Variants in RBFOX2 observed in about 807,000 individuals in gnomAD.
The protein encoded by RBFOX2 is RNA binding protein fox-1 homolog 2.
A neutral mutation model predicts 49.1 loss-of-function variants in RBFOX2; 10 were observed. The ratio of observed to expected loss-of-function variants is 0.20; its 90% CI spans 0.13 to 0.35. The LOEUF is 0.35. Ranked by LOEUF, RBFOX2 falls within the 10% of genes least tolerant of loss-of-function variation. The probability of loss-of-function intolerance (pLI) is 1.00; values close to 1 mark genes in which losing one functional copy is unlikely to be tolerated. For synonymous variants in RBFOX2, 183 were observed against 187.4 expected, an observed-to-expected ratio of 0.98 and a Z score of 0.19; for missense variants, 323 against 486.9, an observed-to-expected ratio of 0.66 and a Z score of 3.17.
At chr22:35,746,129 T>C (rs1932659729) in intron 10 of RBFOX2, 134 bp from the exon 13 acceptor site, 2 of 810,026 alleles carry the variant, frequency 2.5e-6, no homozygotes, top group Non-Finnish European at 4.0e-6. Flanking sequence ...TTACAAGGAA[T>C]AGGAAAAAAC....
At chr22:35,826,785 AC>A (rs1466175425) in intron 1 of RBFOX2, among the ~76,000 whole-genome samples, 1 of 152,250 alleles carries the variant, frequency 6.6e-6, no homozygotes, top group African/African-American at 2.4e-5. Flanking sequence ...GTTTAACTTA[AC>A]AAATCAGGCA....
intron 1 of RBFOX2, among the ~76,000 whole-genome samples, chr22:35,923,393 T>C (rs557663591): frequency 6.6e-6 from 1 of 152,208 alleles, no homozygotes; most frequent in Admixed American, 6.5e-5. Context: ...CATATTGTTT[T>C]AGAGATAGGG....
upstream of RBFOX2, among the ~76,000 whole-genome samples, chr22:35,844,157 T>C (rs1395268849): frequency 6.6e-6 from 1 of 152,220 alleles, no homozygotes; most frequent in South Asian, 2.1e-4. Flanking sequence ...CTGGTTTAGG[T>C]ACCCTTATCT....
chr22:35,763,717 C>T (rs1939800051), intron 6 of RBFOX2, among the ~76,000 whole-genome samples: 1 of 152,160 alleles, frequency 6.6e-6, no homozygotes, highest in African/African-American at 2.4e-5. Flanking sequence ...ACCACATCTG[C>T]AATCTGAGGT....
intron 2 of RBFOX2, among the ~76,000 whole-genome samples, chr22:35,784,821 C>T (rs1323691381): frequency 2.0e-5 from 3 of 152,170 alleles, no homozygotes; most frequent in African/African-American, 4.8e-5. Flanking sequence ...CCGGGGGCCG[C>T]GACCACCGCC....
intron 1 of RBFOX2, among the ~76,000 whole-genome samples, chr22:35,855,244 T>C (rs1380244494): frequency 6.6e-6 from 1 of 152,216 alleles, no homozygotes; most frequent in Non-Finnish European, 1.5e-5. Context: ...AGTTATTGGC[T>C]GATGATGCCA....
chr22:35,957,764 TCA>T (rs989987494), intron 1 of RBFOX2, among the ~76,000 whole-genome samples: 8 of 152,236 alleles, frequency 5.3e-5, no homozygotes, highest in Non-Finnish European at 8.8e-5. Flanking sequence ...AATACATGAT[TCA>T]CTCTGTGCAA....
intron 1 of RBFOX2, chr22:35,897,350 G>C: frequency 7.7e-7 from 1 of 1,306,888 alleles, no homozygotes; most frequent in Non-Finnish European, 1.1e-6. Context: ...GCACCTCAAT[G>C]GCCTTGAGTT....
At chr22:35,785,860 C>T (rs190292639) in intron 2 of RBFOX2, among the ~76,000 whole-genome samples, 5 of 152,324 alleles carry the variant, frequency 3.3e-5, no homozygotes, top group African/African-American at 9.6e-5. Flanking sequence ...ATGAAACTCA[C>T]TAAGTTACTA....
chr22:36,008,262 T>G (rs2058690325), intron 1 of RBFOX2, among the ~76,000 whole-genome samples: 3 of 152,182 alleles, frequency 2.0e-5, no homozygotes, highest in Admixed American at 2.0e-4. Flanking sequence ...GAACATTCCA[T>G]TAACTCTGTA....
chr22:35,989,396 C>T (rs1472467565), intron 1 of RBFOX2, among the ~76,000 whole-genome samples: 1 of 152,028 alleles, frequency 6.6e-6, no homozygotes, highest in Non-Finnish European at 1.5e-5. Flanking sequence ...AGGGGAAGAG[C>T]GGCATTCCAA....
chr22:35,964,035 T>A (rs972580208), upstream of RBFOX2, among the ~76,000 whole-genome samples: 2 of 152,220 alleles, frequency 1.3e-5, no homozygotes, highest in African/African-American at 4.8e-5. Flanking sequence ...TGTGAGCCAC[T>A]ATGCCCTGCC....
exon 12 of RBFOX2, chr22:35,741,902 G>A (rs1930141947): frequency 6.6e-6 from 1 of 152,422 alleles, no homozygotes; most frequent in South Asian, 2.1e-4. Flanking sequence ...AAACCATTTA[G>A]AATTTGGCCT....
chr22:35,912,562 A>G (rs548544611), intron 1 of RBFOX2, among the ~76,000 whole-genome samples: 1 of 152,356 alleles, frequency 6.6e-6, no homozygotes, highest in South Asian at 2.1e-4. Context: ...ACTTAAAACA[A>G]GGGATGGATC....
Position 35,840,090 on chromosome 22 carries a change from G to C in RBFOX2, c.27+102C>G. The C allele has an allele frequency of 2.7e-6, 4 of 1,467,498 alleles. No homozygotes were observed. The South Asian group carries it at 3.4e-5, about 13-fold the overall frequency. The allele number at this position is 1,467,498 out of a possible 1,614,324, so 90.9% of individuals were successfully genotyped here. A position where few individuals can be genotyped will look rare whatever the true frequency, so the allele number is the denominator to read the frequency against. On this transcript the variant is annotated intron_variant, in intron 1 of 11. Coordinates refer to ENST00000405409, the Ensembl canonical transcript of RBFOX2. ...CAATAAATCTGGTCTGTTCTAAGAAGACAATAATGATTAAAACTCTTCTTA... is the reference window on the plus strand; with the variant it reads ...CAATAAATCTGGTCTGTTCTAAGAACACAATAATGATTAAAACTCTTCTTA...
intron 11 of RBFOX2, 106 bp downstream of exon 13, chr22:35,745,817 T>A: frequency 8.8e-7 from 1 of 1,132,486 alleles, no homozygotes; most frequent in Non-Finnish European, 1.3e-6. Context: ...AATACCTTGA[T>A]GGTGGATGAA....
intron 1 of RBFOX2, chr22:35,995,386 C>G (rs1016584110): frequency 6.6e-6 from 1 of 152,206 alleles, no homozygotes; most frequent in East Asian, 1.9e-4. Context: ...TTTGCCTCCT[C>G]TCCGCCGGCA....
Position 36,028,418 on chromosome 22 carries a change from T to TCCGCCATCCGCCCGCGCCCC in RBFOX2, c.-13_7dup (p.Glu3GlyfsTer27). 1 of 1,219,952 alleles carries TCCGCCATCCGCCCGCGCCCC rather than the reference T, an allele frequency of 8.2e-7. No homozygotes were observed. Among genetic ancestry groups the TCCGCCATCCGCCCGCGCCCC allele is most frequent in the Non-Finnish European group, 1.0e-6 (1 of 982,446 alleles). 75.6% of individuals were successfully genotyped at this position (1,219,952 alleles called of 1,614,324 possible). On this transcript the variant is annotated frameshift_variant, in exon 1 of 14. Transcript: ENST00000438146. LOFTEE classifies it high-confidence loss of function. ...AGGCGGCTGATGCGGCTGGGCGCCC[T>TCCGCCATCCGCCCGCGCCCC]CCGCCATCCGCCCGCGCCCCCCTCG...
At chr22:35,897,112 C>CAG (rs2047944493) in intron 1 of RBFOX2, among the ~76,000 whole-genome samples, 1 of 152,142 alleles carries the variant, frequency 6.6e-6, no homozygotes. Flanking sequence ...ACTCGACACT[C>CAG]ATTCTTTTTT....
Sources: allele counts gnomAD v4.1 joint callset (sites outside exome capture counted in the v4.1 genomes callset), GRCh38; gene constraint gnomAD v4.1.1; transcripts MANE v1.5; gene names NCBI Gene and HGNC (gene_info 2026-07-23, HGNC 2026-07-21).